The following RANBP2 variants were observed in gnomAD, a reference collection of about 807,000 sequenced individuals.
The protein encoded by RANBP2 is E3 SUMO-protein ligase RanBP2.
A neutral mutation model predicts 303.6 loss-of-function variants in RANBP2; 57 were observed. The observed-to-expected ratio is 0.19, with a 90% CI of 0.15 to 0.23. RANBP2 has a LOEUF of 0.23. RANBP2 is among the 10% of genes least tolerant of loss of function. RANBP2 has a pLI of 1.00. For synonymous variants in RANBP2, 1,167 were observed against 1,301.5 expected (o/e 0.90, Z 2.23); for missense variants, 3,138 against 3,780.8 (o/e 0.83, Z 4.46).
the RANBP2 span, chr2:108,910,570 G>A: frequency 6.4e-7 from 1 of 1,566,572 alleles, no homozygotes; most frequent in African/African-American, 1.3e-5. Flanking sequence ...ATAGGAGTTA[G>A]AATTGGCTCA....
At chr2:109,235,801 C>T in the RANBP2 span, among the ~76,000 whole-genome samples, 2,321 of 152,322 alleles carry the variant, frequency 0.015, 58 homozygotes, top group African/African-American at 0.053. Context: ...ATTTCATCTT[C>T]ACGTGCACTC....
the RANBP2 span, among the ~76,000 whole-genome samples, chr2:109,629,336 TATATATATATA>T: frequency 1.9e-4 from 2 of 10,680 alleles, no homozygotes; most frequent in African/African-American, 2.8e-4. Context: ...TATATATATA[TATATATATATA>T]TATATATATT....
chr2:108,907,344 C>T, the RANBP2 span, among the ~76,000 whole-genome samples: 1 of 152,154 alleles, frequency 6.6e-6, no homozygotes, highest in East Asian at 1.9e-4. Context: ...GTGTATGAAG[C>T]TATATAATAA....
At chr2:109,158,187 T>C in the RANBP2 span, among the ~76,000 whole-genome samples, 1 of 152,124 alleles carries the variant, frequency 6.6e-6, no homozygotes, top group African/African-American at 2.4e-5. Context: ...GACTGCAAGC[T>C]GTGCTGGGAA....
chr2:109,049,937 C>T, the RANBP2 span, among the ~76,000 whole-genome samples: 2 of 152,174 alleles, frequency 1.3e-5, no homozygotes, highest in Admixed American at 1.3e-4. Flanking sequence ...CTTGTCTCCT[C>T]TGGGTTCTGT....
chr2:109,090,333 CA>C, the RANBP2 span, among the ~76,000 whole-genome samples: 41 of 142,870 alleles, frequency 2.9e-4, no homozygotes, highest in African/African-American at 6.4e-4. Context: ...CACACACACA[CA>C]CACACACACA....
At chr2:109,748,009 A>G in the RANBP2 span, among the ~76,000 whole-genome samples, 1 of 63,096 alleles carries the variant, frequency 1.6e-5, no homozygotes, top group Non-Finnish European at 3.0e-5. Flanking sequence ...TAACATTTAT[A>G]CCTTTTTTTT....
the RANBP2 span, among the ~76,000 whole-genome samples, chr2:109,576,343 C>G: frequency 6.6e-6 from 1 of 152,038 alleles, no homozygotes; most frequent in African/African-American, 2.4e-5. Context: ...AAGCAATCAT[C>G]CTGCCTTGGC....
the RANBP2 span, among the ~76,000 whole-genome samples, chr2:109,382,550 A>G: frequency 2.0e-5 from 3 of 152,088 alleles, no homozygotes; most frequent in Non-Finnish European, 2.9e-5. Context: ...GGCCTCAGCA[A>G]TCTTAAAACA....
At chr2:108,962,150 A>G in the RANBP2 span, among the ~76,000 whole-genome samples, 5 of 152,208 alleles carry the variant, frequency 3.3e-5, no homozygotes, top group African/African-American at 1.2e-4. Flanking sequence ...CTGTCTAGGC[A>G]GCCTCTCAGC....
At chr2:108,926,045 A>G in the RANBP2 span, among the ~76,000 whole-genome samples, 3 of 152,212 alleles carry the variant, frequency 2.0e-5, no homozygotes, top group Non-Finnish European at 4.4e-5. Flanking sequence ...GCTGCATGCA[A>G]CATTTCTAAA....
the RANBP2 span, among the ~76,000 whole-genome samples, chr2:109,549,069 T>C: frequency 6.6e-6 from 1 of 152,196 alleles, no homozygotes; most frequent in Admixed American, 6.5e-5. Flanking sequence ...CTTATTTAAA[T>C]GGTTCCTGCT....
the RANBP2 span, among the ~76,000 whole-genome samples, chr2:108,806,411 A>T: frequency 6.6e-6 from 1 of 152,164 alleles, no homozygotes; most frequent in Non-Finnish European, 1.5e-5. Flanking sequence ...AAATATTTGG[A>T]CCTATTGATA....
chr2:109,225,253 AAAG>A, the RANBP2 span, among the ~76,000 whole-genome samples: 181 of 152,372 alleles, frequency 1.2e-3, no homozygotes, highest in African/African-American at 4.1e-3. Context: ...CGATAATAAT[AAAG>A]AAGGCTTATT....
the RANBP2 span, among the ~76,000 whole-genome samples, chr2:109,724,737 G>A: frequency 6.6e-6 from 1 of 152,250 alleles, no homozygotes; most frequent in Admixed American, 6.5e-5. Context: ...CCTCCTCCCA[G>A]AAGCTTCAGG....
chr2:109,564,529 T>G, the RANBP2 span: 12 of 1,507,470 alleles, frequency 8.0e-6, no homozygotes, highest in Non-Finnish European at 9.8e-6. Flanking sequence ...TGGTTTTCAT[T>G]TTCCACTAGC....
chr2:109,068,622 G>A, the RANBP2 span, among the ~76,000 whole-genome samples: 2 of 152,286 alleles, frequency 1.3e-5, no homozygotes, highest in African/African-American at 4.8e-5. Context: ...GAAAGTCTCT[G>A]CTTTTCCCCT....
At chr2:109,375,902 G>C in the RANBP2 span, among the ~76,000 whole-genome samples, 1 of 152,358 alleles carries the variant, frequency 6.6e-6, no homozygotes, top group East Asian at 1.9e-4. Context: ...GAGCAGACCT[G>C]GCTGGGCCCA....
the RANBP2 span, among the ~76,000 whole-genome samples, chr2:109,377,012 G>A: frequency 9.5e-4 from 145 of 152,392 alleles, no homozygotes; most frequent in African/African-American, 3.5e-3. Flanking sequence ...TGCTTAGGAA[G>A]GAACAGAGAG....
Sources: allele counts gnomAD v4.1 joint callset (sites outside exome capture counted in the v4.1 genomes callset), GRCh38; gene constraint gnomAD v4.1.1; transcripts MANE v1.5; gene names NCBI Gene and HGNC (gene_info 2026-07-23, HGNC 2026-07-21).